FLRT2: variants seen among roughly 807,000 people sequenced by gnomAD.
The protein encoded by FLRT2 is fibronectin leucine rich transmembrane protein 2.
Under a neutral mutation model 40.0 loss-of-function variants are expected in FLRT2, and 15 were observed. That is an observed-to-expected ratio of 0.38 (90% CI 0.25 to 0.58). FLRT2 has a LOEUF of 0.58. FLRT2 is among the 20% of genes least tolerant of loss of function. The pLI is 0.71. For missense variants in FLRT2, 726 were observed against 840.0 expected (o/e 0.86, Z 1.68); for synonymous variants, 380 against 336.8 (o/e 1.13, Z -1.41).
rs1893956804 is a variant in FLRT2, at chr14:85,634,546, T to C, written c.*11049T>C. 7 of 152,334 alleles carry C rather than the reference T, an allele frequency of 4.6e-5. No individual in the cohort carries two copies. The South Asian group carries it at 1.4e-3, about 32-fold the overall frequency. 9.4% of individuals were successfully genotyped at this position (152,334 alleles called of 1,614,324 possible). Reference sequence around the variant, plus strand: ...ACTGTGTCTATAAGACTGTAGCCTATTGGATGGGAAGTTATATTATGAAAA... The same window carrying C: ...ACTGTGTCTATAAGACTGTAGCCTACTGGATGGGAAGTTATATTATGAAAA... On this transcript the variant is annotated 3_prime_UTR_variant, in exon 2 of 2. Coordinates refer to ENST00000330753, the MANE Select transcript of FLRT2 (RefSeq NM_013231.6).
chr14:85,633,260 G>T lies in FLRT2; in HGVS notation c.*9763G>T, dbSNP rs1466850746. ...CTTTCTGGGGGAAAAAAATTGGGAA[G>T]ATGAGGTGCCATGGGATAACACACA... is the stretch of plus-strand genomic sequence containing the variant. On this transcript the variant is annotated 3_prime_UTR_variant, in exon 2 of 2. Transcript: ENST00000330753. 1 of 152,116 alleles carries T rather than the reference G, an allele frequency of 6.6e-6. No homozygotes were observed. Among genetic ancestry groups the T allele is most frequent in the East Asian group, 1.9e-4 (1 of 5,184 alleles). The allele number at this position is 152,116 out of a possible 1,614,324, so 9.4% of individuals were successfully genotyped here. A position where few individuals can be genotyped will look rare whatever the true frequency, so the allele number is the denominator to read the frequency against.
At chr14:85,571,205 C>G (rs1890877905) in intron 1 of FLRT2, among the ~76,000 whole-genome samples, 2 of 152,050 alleles carry the variant, frequency 1.3e-5, no homozygotes, top group Non-Finnish European at 2.9e-5. Context: ...ACGATGTCAT[C>G]TTAAGAATCC....
In FLRT2 at chr14:85,650,061, A is replaced by T. The variant is rs891341892; in HGVS notation, c.*26564A>T. On this transcript the variant is annotated 3_prime_UTR_variant, in exon 2 of 2. Transcript: ENST00000330753. ...TGCTTCATTGCTTTTATTCATTAAA[A>T]ATTACAAATACAATTGAAGCCCTTG... The T allele has an allele frequency of 6.6e-6, 1 of 152,052 alleles. No homozygotes were observed. 9.4% of individuals were successfully genotyped at this position (152,052 alleles called of 1,614,324 possible).
chr14:85,553,336 C>A (rs1040609818), intron 1 of FLRT2, among the ~76,000 whole-genome samples: 1 of 152,128 alleles, frequency 6.6e-6, no homozygotes, highest in African/African-American at 2.4e-5. Context: ...CAGTAATCCA[C>A]GTGCTCTCTC....
chr14:85,550,553 C>T (rs1345658370), intron 1 of FLRT2, among the ~76,000 whole-genome samples: 1 of 152,154 alleles, frequency 6.6e-6, no homozygotes, highest in Non-Finnish European at 1.5e-5. Context: ...TAACATCATC[C>T]AAAGTTAAGA....
At position 85,587,303 on chromosome 14, in the gene FLRT2, A is replaced by AAAAG. The variant is rs1555368490; in HGVS notation, c.-376-33834_-376-33833insAGAA. 4.9e-3 allele frequency among the ~76,000 whole-genome samples: 720 copies of AAAAG among 147,646 alleles called. 7 individuals carry two copies. The highest frequency in any genetic ancestry group is 0.012 in the South Asian group (55 of 4,684). Reference sequence around the variant, plus strand: ...TAAGGAATGGAAAAAAAAAAAAAAAAAAGAAGAAAGCAGAGCTCATCTTGA... The same window carrying AAAAG: ...TAAGGAATGGAAAAAAAAAAAAAAAAAAAGAAGAAGAAAGCAGAGCTCATCTTGA... On this transcript the variant is annotated intron_variant, in intron 1 of 1. Transcript: ENST00000330753.
chr14:85,573,185 A>G (rs1290778058), intron 1 of FLRT2, among the ~76,000 whole-genome samples: 1 of 151,966 alleles, frequency 6.6e-6, no homozygotes, highest in East Asian at 1.9e-4. Context: ...TTATTTTAAA[A>G]AGCTGATATA....
chr14:85,569,279 G>C (rs546933378), intron 1 of FLRT2, among the ~76,000 whole-genome samples: 1 of 152,332 alleles, frequency 6.6e-6, no homozygotes, highest in South Asian at 2.1e-4. Context: ...AACACTGATT[G>C]TCAAGCCCAC....
Position 85,622,870 on chromosome 14 carries a change from C to T in FLRT2, c.1356C>T (p.Leu452=), listed in dbSNP as rs146242511. The T allele has an allele frequency of 2.8e-5, 45 of 1,614,108 alleles. No individual in the cohort carries two copies. The African/African-American group carries it at 5.6e-4, about 20-fold the overall frequency. The part of the protein sequence containing the change: ...LSLFTVMAYK[L]TWVKMGHSLV... ...TCTTCACCGTGATGGCATACAAACTCACATGGGTGAAAATGGGCCACAGTT... is the reference window on the plus strand; with the variant it reads ...TCTTCACCGTGATGGCATACAAACTTACATGGGTGAAAATGGGCCACAGTT... Residue 452 remains leucine, a synonymous_variant, in exon 2 of 2, where the codon CTC becomes CTT. Coordinates refer to ENST00000330753, the MANE Select transcript of FLRT2 (RefSeq NM_013231.6).
chr14:85,546,148 G>A (rs1211373525), intron 1 of FLRT2, among the ~76,000 whole-genome samples: 3 of 152,124 alleles, frequency 2.0e-5, no homozygotes, highest in Non-Finnish European at 4.4e-5. Context: ...ACCATCCCTC[G>A]CTTTTTGCAC....
intron 1 of FLRT2, among the ~76,000 whole-genome samples, chr14:85,531,902 G>A (rs1027880184): frequency 3.3e-5 from 5 of 152,234 alleles, no homozygotes; most frequent in Non-Finnish European, 7.3e-5. Flanking sequence ...GTGTGCCAGC[G>A]TGCGTCTCCG....
intron 1 of FLRT2, among the ~76,000 whole-genome samples, chr14:85,582,129 C>CATATGTAGATTG (rs1891414747): frequency 6.6e-6 from 1 of 152,150 alleles, no homozygotes; most frequent in Non-Finnish European, 1.5e-5. Flanking sequence ...ATATGTAGAT[C>CATATGTAGATTG]CTGCTCTTAG....
Position 85,599,397 on chromosome 14 carries a change from TA to T in FLRT2, c.-376-21741del, listed in dbSNP as rs1476267892. 2.0e-5 allele frequency among the ~76,000 whole-genome samples: 3 copies of T among 152,138 alleles called. 1 individual carries two copies. In the South Asian group the frequency reaches 6.2e-4, roughly 32 times the overall value. On this transcript the variant is annotated intron_variant, in intron 1 of 1. Coordinates refer to ENST00000330753, the MANE Select transcript of FLRT2 (RefSeq NM_013231.6). The stretch of plus-strand genomic sequence containing the variant: ...CTTATAAGTAGGGCGCTACCAAAGA[TA>T]CAACATATTTCTCTTCCTAATTCTT...
rs1893798999 is a variant in FLRT2, at chr14:85,628,869, A to T, written c.*5372A>T. Reference sequence around the variant, plus strand: ...CAGACTAAACCATTAGTCAAAAAATACCATTCATTCAAAATAATTCATTAA... The same window carrying T: ...CAGACTAAACCATTAGTCAAAAAATTCCATTCATTCAAAATAATTCATTAA... On this transcript the variant is annotated 3_prime_UTR_variant, in exon 2 of 2. Coordinates refer to ENST00000330753, the MANE Select transcript of FLRT2 (RefSeq NM_013231.6). 1.3e-5 allele frequency: 2 copies of T among 152,214 alleles called. No homozygotes were observed. Among genetic ancestry groups the T allele is most frequent in the Non-Finnish European group, 2.9e-5 (2 of 68,034 alleles). The allele number at this position is 152,214 out of a possible 1,614,324, so 9.4% of individuals were successfully genotyped here. A position where few individuals can be genotyped will look rare whatever the true frequency, so the allele number is the denominator to read the frequency against.
chr14:85,576,622 T>C (rs534108715), intron 1 of FLRT2, among the ~76,000 whole-genome samples: 1 of 152,312 alleles, frequency 6.6e-6, no homozygotes, highest in African/African-American at 2.4e-5. Context: ...GAAAATCTAA[T>C]TCCAAATGCA....
chr14:85,543,039 C>G (rs1321822416), intron 1 of FLRT2, among the ~76,000 whole-genome samples: 1 of 152,186 alleles, frequency 6.6e-6, no homozygotes, highest in Non-Finnish European at 1.5e-5. Context: ...GAAGAAGAAC[C>G]TAAAGTCCAA....
At chr14:85,575,261 A>G (rs1891077144) in intron 1 of FLRT2, among the ~76,000 whole-genome samples, 1 of 152,032 alleles carries the variant, frequency 6.6e-6, no homozygotes, top group South Asian at 2.1e-4. Context: ...GGGTGGATGG[A>G]GTAAGGGCTT....
At position 85,572,514 on chromosome 14, in the gene FLRT2, T is replaced by C. The variant is rs17114271; in HGVS notation, c.-377+41980T>C. ...TCTGCATAATTATTCACGTCCCGTA[T>C]TCATGGCAGGGGTTGTTATTAAGCA... is the stretch of plus-strand genomic sequence containing the variant. On this transcript the variant is annotated intron_variant, in intron 1 of 1. Transcript: ENST00000330753. Among the ~76,000 whole-genome samples the C allele has an allele frequency of 5.6e-3, 850 of 152,360 alleles. 39 individuals carry two copies. Among genetic ancestry groups the C allele is most frequent in the Admixed American group, 0.054 (828 of 15,302 alleles).
At chr14:85,615,723 G>T (rs1005649926) in intron 1 of FLRT2, among the ~76,000 whole-genome samples, 1 of 46,504 alleles carries the variant, frequency 2.2e-5, no homozygotes, top group African/African-American at 1.5e-4. Flanking sequence ...GCAAACAGTA[G>T]AGAATTCCTC....
Sources: gnomAD v4.1 joint callset for allele counts (sites outside exome capture counted in the v4.1 genomes callset) on GRCh38, gnomAD v4.1.1 for gene constraint, MANE v1.5 for transcripts, NCBI Gene and HGNC (gene_info 2026-07-23, HGNC 2026-07-21) for gene names.